The following RFX1 variants were observed in gnomAD, a reference collection of about 807,000 sequenced individuals.
RFX1 encodes MHC class II regulatory factor RFX1.
In RFX1, 42 loss-of-function variants were observed where a neutral mutation model predicts 119.6. The ratio of observed to expected loss-of-function variants is 0.35; its 90% CI spans 0.27 to 0.45. The LOEUF is 0.45. Ranked by LOEUF, RFX1 falls within the 20% of genes least tolerant of loss-of-function variation. The probability of loss-of-function intolerance (pLI) is 1.00; values close to 1 mark genes in which losing one functional copy is unlikely to be tolerated. For missense variants in RFX1, 1,118 were observed against 1,368.1 expected, an observed-to-expected ratio of 0.82 and a Z score of 2.88; for synonymous variants, 628 against 618.5, an observed-to-expected ratio of 1.02 and a Z score of -0.23.
chr19:13,963,306 G>A, intron 18 of RFX1, 31 bp from the exon 19 acceptor site: 1 of 1,578,696 alleles, frequency 6.3e-7, no homozygotes, highest in Non-Finnish European at 8.6e-7. Context: ...GAGACCGTCA[G>A]GCCCCGTCCG....
chr19:13,972,663 A>AC lies in RFX1; in HGVS notation c.1314+79dup, dbSNP rs1974118168. The AC allele has an allele frequency of 2.6e-6, 3 of 1,134,012 alleles. No individual in the cohort carries two copies. The South Asian group carries it at 4.6e-5, about 17-fold the overall frequency. The allele number at this position is 1,134,012 out of a possible 1,614,324, so 70.2% of individuals were successfully genotyped here. On this transcript the variant is annotated intron_variant, in intron 9 of 20. Transcript: ENST00000254325. ...AGGCTCCTGCTAGCGGTGGTTGGTAACCACCGTCATGGACTGGGCTTCTAG... is the reference window on the plus strand; with the variant it reads ...AGGCTCCTGCTAGCGGTGGTTGGTAACCCACCGTCATGGACTGGGCTTCTAG...
At position 13,976,030 on chromosome 19, in the gene RFX1, G is replaced by A. The variant is rs558499216; in HGVS notation, c.929+1962C>T. Among the ~76,000 whole-genome samples, 5 of 152,376 alleles carry A rather than the reference G, an allele frequency of 3.3e-5. No individual in the cohort carries two copies. The East Asian group carries it at 9.6e-4, about 29-fold the overall frequency. On this transcript the variant is annotated intron_variant, in intron 8 of 20. Transcript: ENST00000254325. ...AGGAGAGACAGGAGAGACGCTACCA[G>A]GGATGGCAGCAGGAACCCTTGGACA...
chr19:13,963,452 G>T, intron 18 of RFX1, 86 bp downstream of exon 18: 1 of 1,451,962 alleles, frequency 6.9e-7, no homozygotes, highest in South Asian at 1.2e-5. Flanking sequence ...CTGCAGGCTC[G>T]GGTCGTCGTA....
In RFX1 at chr19:13,993,641, G is replaced by A. The variant is rs774490241; in HGVS notation, c.203C>T (p.Pro68Leu). 1.9e-5 allele frequency: 30 copies of A among 1,605,218 alleles called. No individual in the cohort carries two copies. The highest frequency in any genetic ancestry group is 2.7e-5 in the African/African-American group (2 of 74,736). The change falls in exon 2 of 21, where the codon CCG (proline) becomes CTG (leucine). Residue 68 changes from proline (P) to leucine (L), a missense_variant. Transcript: ENST00000254325. The part of the protein sequence containing the change: ...LQSPQPQAQP[P>L]GGQKQYVTEL... Reference sequence around the variant, plus strand: ...CGTCACGTACTGCTTCTGGCCACCCGGTGGCTGTGCCTGGGGCTGGGGGCT... The same window carrying A: ...CGTCACGTACTGCTTCTGGCCACCCAGTGGCTGTGCCTGGGGCTGGGGGCT...
intron 7 of RFX1, among the ~76,000 whole-genome samples, chr19:13,978,930 C>T (rs1270303427): frequency 6.6e-6 from 1 of 151,892 alleles, no homozygotes; most frequent in Non-Finnish European, 1.5e-5. Context: ...GCTCGGCGCC[C>T]GGCTCGTAAT....
At chr19:13,989,772 G>T (rs1017691434) in intron 2 of RFX1, among the ~76,000 whole-genome samples, 11 of 152,156 alleles carry the variant, frequency 7.2e-5, no homozygotes, top group Non-Finnish European at 7.3e-5. Flanking sequence ...CTAATGGACA[G>T]TTGTGAACCT....
intron 1 of RFX1, among the ~76,000 whole-genome samples, chr19:14,004,059 C>T (rs1599528497): frequency 6.6e-6 from 1 of 152,270 alleles, no homozygotes; most frequent in African/African-American, 2.4e-5. Context: ...CAGGCATGTG[C>T]CACCACGCCT....
intron 6 of RFX1, among the ~76,000 whole-genome samples, chr19:13,979,840 G>A (rs1007252367): frequency 1.3e-5 from 2 of 152,120 alleles, no homozygotes; most frequent in Admixed American, 6.5e-5. Context: ...GTTATCTTTC[G>A]TCCCCACACC....
At chr19:13,988,559 C>G (rs895644733) in intron 2 of RFX1, among the ~76,000 whole-genome samples, 3 of 152,186 alleles carry the variant, frequency 2.0e-5, no homozygotes, top group African/African-American at 4.8e-5. Context: ...AACAGTCAGC[C>G]ATGCAGGAGC....
At position 13,968,691 on chromosome 19, in the gene RFX1, A is replaced by G; in HGVS notation, c.1617-11T>C. ...TGGATGGGCTTGAGCCTGGAGTAGA[A>G]TGGGCAGGTGGGCCGGCTGCTGGGG... On this transcript the variant is annotated splice_polypyrimidine_tract_variant and intron_variant, in intron 11 of 20. Transcript: ENST00000254325. The surrounding 1 kb of genome is among the most constrained non-coding windows in gnomAD (Gnocchi z 5.5). The G allele has an allele frequency of 6.2e-7, 1 of 1,612,574 alleles. No homozygotes were observed. The highest frequency in any genetic ancestry group is 8.5e-7 in the Non-Finnish European group (1 of 1,179,698).
rs565720104 is a variant in RFX1 at position 13,985,925 on chromosome 19, G to A, written c.320-2330C>T. On this transcript the variant is annotated intron_variant, in intron 2 of 20. Transcript: ENST00000254325. This position sits in a 1 kb window ranked among gnomAD's most constrained non-coding sequence, Gnocchi z 4.3. ...TGTTGGGGGAGGCCTCCGCGTAGCC[G>A]CATGTGGGCTGTGGGGCATTTGGTC... Among the ~76,000 whole-genome samples, 2 of 152,250 alleles carry A rather than the reference G, an allele frequency of 1.3e-5. No homozygotes were observed. Among genetic ancestry groups the A allele is most frequent in the South Asian group, 2.1e-4 (1 of 4,830 alleles).
chr19:13,968,448 C>CTGAGAG lies in RFX1; in HGVS notation c.1732+116_1732+117insCTCTCA. 1 of 780,606 alleles carries CTGAGAG rather than the reference C, an allele frequency of 1.3e-6. No individual in the cohort carries two copies. Among genetic ancestry groups the CTGAGAG allele is most frequent in the Non-Finnish European group, 2.2e-6 (1 of 448,814 alleles). The allele number at this position is 780,606 out of a possible 1,614,324, so 48.4% of individuals were successfully genotyped here. A position where few individuals can be genotyped will look rare whatever the true frequency, so the allele number is the denominator to read the frequency against. ...CCCCCACCCCCTGCTGGTTCTCGGG[C>CTGAGAG]ATCTCTCACCAAGCCCTCCCCAGCT... is the stretch of plus-strand genomic sequence containing the variant. On this transcript the variant is annotated intron_variant, in intron 12 of 20. Coordinates refer to ENST00000254325, the MANE Select transcript of RFX1 (RefSeq NM_002918.5). The surrounding 1 kb of genome is among the most constrained non-coding windows in gnomAD (Gnocchi z 5.5).
At chr19:14,000,600 C>T (rs910809591) in intron 1 of RFX1, among the ~76,000 whole-genome samples, 59 of 152,064 alleles carry the variant, frequency 3.9e-4, no homozygotes, top group African/African-American at 1.4e-3. Context: ...AGTTCAAGAC[C>T]AGCCTAAGCA....
chr19:13,979,501 G>C lies in RFX1; in HGVS notation c.780C>G (p.Gly260=). Residue 260 remains glycine, a synonymous_variant, in exon 7 of 21, where the codon GGC becomes GGG. Transcript: ENST00000254325. ...CCTGCACGGTCAGCGGCTGCACCGG[G>C]CCGGGTTTGGGCGCTTGTGGAGTGG... ...VQATPQAPKP[G]PVQPLTVQGL... 6.2e-7 allele frequency: 1 copy of C among 1,604,098 alleles called. No individual in the cohort carries two copies. Among genetic ancestry groups the C allele is most frequent in the Non-Finnish European group, 8.5e-7 (1 of 1,174,528 alleles).
Position 13,965,375 on chromosome 19 carries a change from C to G in RFX1, c.2211+74G>C. On this transcript the variant is annotated intron_variant, in intron 16 of 20. Coordinates refer to ENST00000254325, the MANE Select transcript of RFX1 (RefSeq NM_002918.5). The surrounding 1 kb of genome is among the most constrained non-coding windows in gnomAD (Gnocchi z 4.7). ...GGAACAGGCGTGGGGACAAATTTTA[C>G]CGCCCCTGGGGAGCAGAGGAGACGG... The G allele has an allele frequency of 4.4e-6, 6 of 1,364,608 alleles. No individual in the cohort carries two copies. The highest frequency in any genetic ancestry group is 4.1e-6 in the Non-Finnish European group (4 of 970,518). The allele number at this position is 1,364,608 out of a possible 1,614,324, so 84.5% of individuals were successfully genotyped here.
At chr19:13,964,985 TTTTG>T (rs560267909) in intron 16 of RFX1, among the ~76,000 whole-genome samples, 125 of 152,258 alleles carry the variant, frequency 8.2e-4, no homozygotes, top group South Asian at 7.5e-3. Context: ...GCGGTGGTTT[TTTTG>T]TTTGTTTGTT....
intron 2 of RFX1, among the ~76,000 whole-genome samples, chr19:13,987,558 G>A (rs928615249): frequency 5.9e-5 from 9 of 152,126 alleles, no homozygotes; most frequent in South Asian, 4.1e-4. Context: ...CTTCCCCGGC[G>A]CTCACGTGGC....
intron 8 of RFX1, 140 bp from the exon 9 acceptor site, chr19:13,973,267 T>C (rs571723118): frequency 1.5e-6 from 1 of 668,136 alleles, no homozygotes; most frequent in Admixed American, 2.3e-5. Context: ...GATCCTAGCA[T>C]TCATCTACAA....
chr19:13,973,200 G>C, intron 8 of RFX1, 73 bp from the exon 9 acceptor site: 15 of 751,548 alleles, frequency 2.0e-5, no homozygotes, highest in East Asian at 3.7e-5. Context: ...GACTGTGCAG[G>C]AAGGGGGGTC....
Sources: allele counts gnomAD v4.1 joint callset (sites outside exome capture counted in the v4.1 genomes callset), GRCh38; gene constraint gnomAD v4.1.1; non-coding constraint Gnocchi (gnomAD v3.1); transcripts MANE v1.5; gene names NCBI Gene and HGNC (gene_info 2026-07-23, HGNC 2026-07-21).